The following FAF2 variants were observed in gnomAD, a reference collection of about 807,000 sequenced individuals.
The protein encoded by FAF2 is Fas associated factor family member 2.
FAF2 carries 9 observed loss-of-function variants against 62.3 expected under a neutral mutation model. That is an observed-to-expected ratio of 0.14 (90% confidence interval 0.09 to 0.25). FAF2 has a LOEUF of 0.25. Ranked by LOEUF, FAF2 falls within the 10% of genes least tolerant of loss-of-function variation. The pLI, the probability that FAF2 is intolerant of heterozygous loss-of-function variation, is 1.00. For synonymous variants in FAF2, 202 were observed against 198.0 expected (o/e 1.02, Z -0.17); for missense variants, 368 against 556.2 (o/e 0.66, Z 3.40).
intron 1 of FAF2, among the ~76,000 whole-genome samples, chr5:176,463,366 CAG>C: frequency 6.7e-6 from 1 of 149,890 alleles, no homozygotes; most frequent in South Asian, 2.1e-4. Flanking sequence ...GCCTGGGCAA[CAG>C]AGTGAGACTC....
intron 1 of FAF2, among the ~76,000 whole-genome samples, chr5:176,477,146 T>C (rs375002964): frequency 1.9e-5 from 2 of 104,488 alleles, no homozygotes; most frequent in East Asian, 3.2e-4. Context: ...GGGGTTTCAC[T>C]GTGTTAGCCA....
chr5:176,467,129 C>CTTTTTTTTTTT, intron 1 of FAF2, among the ~76,000 whole-genome samples: 1 of 94,034 alleles, frequency 1.1e-5, no homozygotes, highest in Non-Finnish European at 1.9e-5. Flanking sequence ...TTTTTTTTTC[C>CTTTTTTTTTTT]TTTTTTTTTT....
At chr5:176,501,314 G>A (rs1168995221) in intron 10 of FAF2, among the ~76,000 whole-genome samples, 1 of 152,180 alleles carries the variant, frequency 6.6e-6, no homozygotes, top group Non-Finnish European at 1.5e-5. Context: ...AGCTATAGTG[G>A]ATTCTGCAGT....
intron 10 of FAF2, among the ~76,000 whole-genome samples, chr5:176,505,857 G>A (rs999696244): frequency 7.2e-5 from 11 of 151,960 alleles, no homozygotes; most frequent in African/African-American, 2.4e-4. Flanking sequence ...TTATCCACAC[G>A]TTGATTGATG....
chr5:176,506,199 A>AC (rs1360196659), intron 10 of FAF2, among the ~76,000 whole-genome samples: 6 of 148,730 alleles, frequency 4.0e-5, no homozygotes, highest in African/African-American at 1.5e-4. Context: ...TCTCAAAAAA[A>AC]AAAAAAACAA....
rs1352495324 is a variant in FAF2, at chr5:176,488,526, A to G, written c.268-425A>G. ...AACCTCCGCCTCCTGGGTTTAAGCA[A>G]TTTTCCTGCCTCAGCCTCCCTGAGT... On this transcript the variant is annotated intron_variant, in intron 3 of 10. Transcript: ENST00000261942. 7.9e-5 allele frequency among the ~76,000 whole-genome samples: 12 copies of G among 152,002 alleles called. No individual in the cohort carries two copies. The East Asian group carries it at 2.1e-3, about 27-fold the overall frequency.
intron 10 of FAF2, among the ~76,000 whole-genome samples, chr5:176,501,405 A>G (rs1293498319): frequency 6.6e-6 from 1 of 152,242 alleles, no homozygotes; most frequent in African/African-American, 2.4e-5. Flanking sequence ...GCTGGTTAGT[A>G]CATTCATTGC....
rs772745284 is a variant in FAF2 at position 176,507,243 on chromosome 5, C to T, written c.*293C>T. 2.2e-5 allele frequency: 10 copies of T among 454,158 alleles called. No individual in the cohort carries two copies. Among genetic ancestry groups the T allele is most frequent in the Non-Finnish European group, 4.4e-5 (10 of 227,146 alleles). The allele number at this position is 454,158 out of a possible 1,614,324, so 28.1% of individuals were successfully genotyped here. A position where few individuals can be genotyped will look rare whatever the true frequency, so the allele number is the denominator to read the frequency against. ...ACGCACCTTCCAGTGAACAGAGACT[C>T]TTCACCTTCGACCCATCCATTGTCC... On this transcript the variant is annotated 3_prime_UTR_variant, in exon 11 of 11. Coordinates refer to ENST00000261942, the MANE Select transcript of FAF2 (RefSeq NM_014613.3).
rs1755706719 is a variant in FAF2 at position 176,507,525 on chromosome 5, TA to T, written c.*576del. On this transcript the variant is annotated 3_prime_UTR_variant, in exon 11 of 11. Transcript: ENST00000261942. ...TGAGGCTGACATAGGTATATATATA[TA>T]TTTTTTTCCTTTATTTGATAAAGAG... 1 of 169,110 alleles carries T rather than the reference TA, an allele frequency of 5.9e-6. No individual in the cohort carries two copies. The highest frequency in any genetic ancestry group is 1.3e-5 in the Non-Finnish European group (1 of 77,812). The allele number at this position is 169,110 out of a possible 1,614,324, so 10.5% of individuals were successfully genotyped here.
intron 1 of FAF2, among the ~76,000 whole-genome samples, chr5:176,471,332 A>G (rs1490667620): frequency 1.3e-5 from 2 of 150,680 alleles, no homozygotes; most frequent in Non-Finnish European, 2.9e-5. Context: ...TAAATTTAGA[A>G]TGAAGGGTCT....
chr5:176,467,806 A>T (rs1758497197), intron 1 of FAF2, among the ~76,000 whole-genome samples: 1 of 152,234 alleles, frequency 6.6e-6, no homozygotes, highest in Non-Finnish European at 1.5e-5. Flanking sequence ...AAATGTGAAG[A>T]TTAGCTATGT....
At chr5:176,492,432 A>G in intron 5 of FAF2, 100 bp downstream of exon 5, 1 of 1,304,434 alleles carries the variant, frequency 7.7e-7, no homozygotes, top group Non-Finnish European at 1.0e-6. Flanking sequence ...TGTACTCAAA[A>G]ACCTTAATTA....
In FAF2 at chr5:176,509,390, T is replaced by G. The variant is rs1193803682; in HGVS notation, c.*2440T>G. 14 of 152,320 alleles carry G rather than the reference T, an allele frequency of 9.2e-5. No individual in the cohort carries two copies. The highest frequency in any genetic ancestry group is 9.2e-4 in the Admixed American group (14 of 15,288). 9.4% of individuals were successfully genotyped at this position (152,320 alleles called of 1,614,324 possible). ...TGAGAAGCCAGTGATCTGCAAGCAT[T>G]TGCTCTTGTTTCCACATCACCTCTG... On this transcript the variant is annotated 3_prime_UTR_variant, in exon 11 of 11. Transcript: ENST00000261942.
At chr5:176,495,657 G>GC (rs1561827295) in intron 7 of FAF2, among the ~76,000 whole-genome samples, 1 of 151,808 alleles carries the variant, frequency 6.6e-6, no homozygotes. Flanking sequence ...AATTACAGGC[G>GC]CGTACCACCA....
At chr5:176,499,962 T>G in intron 9 of FAF2, 41 bp from the exon 10 acceptor site, 1 of 1,607,706 alleles carries the variant, frequency 6.2e-7, no homozygotes, top group Non-Finnish European at 8.5e-7. Flanking sequence ...TTGTATTTAT[T>G]TCTTGAGCTG....
chr5:176,450,735 A>C (rs1285199338), intron 1 of FAF2, among the ~76,000 whole-genome samples: 3 of 152,026 alleles, frequency 2.0e-5, no homozygotes, highest in Non-Finnish European at 4.4e-5. Context: ...TTGTATTTTT[A>C]GTAGAGACGG....
At chr5:176,486,327 ACT>A (rs1561823883) in intron 2 of FAF2, 26 bp from the exon 3 acceptor site, 1 of 1,608,726 alleles carries the variant, frequency 6.2e-7, no homozygotes, top group Admixed American at 1.7e-5. Flanking sequence ...CATCGCTGAA[ACT>A]CTTGCCACTC....
At position 176,459,158 on chromosome 5, in the gene FAF2, C is replaced by CT. The variant is rs533196057; in HGVS notation, c.63+10696dup. ...ATCCCAAAGAGTTTTTTGTTGGATT[C>CT]TTTTTTTTCTCTTTCTCTTTGTTAA... On this transcript the variant is annotated intron_variant, in intron 1 of 10. Transcript: ENST00000261942. Among the ~76,000 whole-genome samples the CT allele has an allele frequency of 2.0e-5, 3 of 149,478 alleles. No individual in the cohort carries two copies. In the South Asian group the frequency reaches 6.4e-4, roughly 32 times the overall value.
chr5:176,498,985 A>C lies in FAF2; in HGVS notation c.911A>C (p.Asp304Ala). The change falls in exon 9 of 11, where the codon GAC becomes GCC. Residue 304 changes from aspartate to alanine, a missense_variant. Transcript: ENST00000261942. Reference protein sequence around the residue: ...DEAYLASLRADQEKERKKREE... With the variant: ...DEAYLASLRAAQEKERKKREE... ...GCCTACCTGGCCTCTCTCAGAGCTG[A>C]CCAGGAGAAAGAAAGAAAGAAACGG... The C allele has an allele frequency of 6.2e-7, 1 of 1,613,724 alleles. No individual in the cohort carries two copies. Among genetic ancestry groups the C allele is most frequent in the Non-Finnish European group, 8.5e-7 (1 of 1,179,710 alleles).
Sources: gnomAD v4.1 joint callset for allele counts (sites outside exome capture counted in the v4.1 genomes callset) on GRCh38, gnomAD v4.1.1 for gene constraint, MANE v1.5 for transcripts, NCBI Gene and HGNC (gene_info 2026-07-23, HGNC 2026-07-21) for gene names.